Variants in PAN3 observed in about 807,000 individuals in gnomAD.
The protein encoded by PAN3 is PAN2-PAN3 deadenylation complex subunit PAN3.
A neutral mutation model predicts 96.2 loss-of-function variants in PAN3; 19 were observed. That is an observed-to-expected ratio of 0.20 (90% CI 0.14 to 0.29). The LOEUF is 0.29. Among genes scored for constraint, PAN3 ranks in the 10% least tolerant of loss-of-function variants. The pLI, the probability that PAN3 is intolerant of heterozygous loss-of-function variation, is 1.00. For synonymous variants in PAN3, 433 were observed against 406.6 expected, an observed-to-expected ratio of 1.06 and a Z score of -0.78; for missense variants, 882 against 1,108.1, an observed-to-expected ratio of 0.80 and a Z score of 2.90.
intron 5 of PAN3, among the ~76,000 whole-genome samples, chr13:28,205,942 C>CCTCCT (rs976941042): frequency 6.7e-6 from 1 of 149,024 alleles, no homozygotes; most frequent in African/African-American, 2.5e-5. Flanking sequence ...TCTTATTTTT[C>CCTCCT]CTCCTGTCTC....
At chr13:28,250,558 G>C (rs1221590623) in intron 6 of PAN3, among the ~76,000 whole-genome samples, 1 of 152,098 alleles carries the variant, frequency 6.6e-6, no homozygotes, top group East Asian at 1.9e-4. Context: ...GTAGACACGG[G>C]GTTTCAGCAT....
intron 6 of PAN3, among the ~76,000 whole-genome samples, chr13:28,224,160 C>T (rs77761752): frequency 1.3e-5 from 2 of 152,098 alleles, no homozygotes; most frequent in African/African-American, 4.8e-5. Flanking sequence ...CGTGAGCAAC[C>T]GCGCCCGGCC....
At chr13:28,153,585 A>C (rs952287945) in intron 1 of PAN3, among the ~76,000 whole-genome samples, 28 of 152,136 alleles carry the variant, frequency 1.8e-4, no homozygotes, top group African/African-American at 6.3e-4. Flanking sequence ...TAGAGACAGC[A>C]CTGAGTTGTT....
At chr13:28,168,967 G>A (rs1199236784) in intron 1 of PAN3, among the ~76,000 whole-genome samples, 4 of 151,360 alleles carry the variant, frequency 2.6e-5, no homozygotes, top group East Asian at 3.9e-4. Context: ...GCAGTGAGCC[G>A]AGATCACGCC....
chr13:28,159,745 G>T (rs1315817089), intron 1 of PAN3, among the ~76,000 whole-genome samples: 1 of 152,040 alleles, frequency 6.6e-6, no homozygotes, highest in Admixed American at 6.6e-5. Flanking sequence ...ACCACACCTG[G>T]CCAATACTGG....
intron 6 of PAN3, among the ~76,000 whole-genome samples, chr13:28,246,642 T>A (rs987685462): frequency 1.3e-5 from 2 of 152,172 alleles, no homozygotes; most frequent in Non-Finnish European, 2.9e-5. Context: ...AGATCTACTT[T>A]CTAAGCTTCT....
intron 12 of PAN3, 103 bp downstream of exon 12, chr13:28,267,504 T>C (rs983860280): frequency 6.1e-6 from 6 of 983,164 alleles, no homozygotes; most frequent in African/African-American, 5.0e-5. Flanking sequence ...CTGTAATCAT[T>C]TAGTTTAAAG....
At chr13:28,253,487 A>G (rs1884899989) in intron 6 of PAN3, among the ~76,000 whole-genome samples, 1 of 152,070 alleles carries the variant, frequency 6.6e-6, no homozygotes, top group African/African-American at 2.4e-5. Flanking sequence ...TATTTCAGTA[A>G]TTTAGTTTTT....
intron 4 of PAN3, among the ~76,000 whole-genome samples, chr13:28,184,863 T>C (rs933674193): frequency 6.6e-6 from 1 of 152,174 alleles, no homozygotes; most frequent in Non-Finnish European, 1.5e-5. Flanking sequence ...CTTTGTACAT[T>C]AGAGATGTAA....
Position 28,288,008 on chromosome 13 carries a change from A to G in PAN3, c.2409A>G (p.Ser803=). ...RPEFQKDPTW[S]ETGDRYLLKL... ...GGTTTCAGAAGGATCCCACTTGGTCAGAGACTGGAGACCGTTATCTGTTGA... is the reference window on the plus strand; with the variant it reads ...GGTTTCAGAAGGATCCCACTTGGTCGGAGACTGGAGACCGTTATCTGTTGA... Residue 803 remains serine (S), a synonymous_variant, in exon 18 of 19, where the codon TCA becomes TCG. Coordinates refer to ENST00000380958, the MANE Select transcript of PAN3 (RefSeq NM_175854.8). 6.2e-7 allele frequency: 1 copy of G among 1,611,798 alleles called. No individual in the cohort carries two copies. Among genetic ancestry groups the G allele is most frequent in the Non-Finnish European group, 8.5e-7 (1 of 1,179,298 alleles).
chr13:28,220,552 G>A (rs933104804), intron 6 of PAN3, among the ~76,000 whole-genome samples, 174 bp downstream of exon 6: 1 of 151,944 alleles, frequency 6.6e-6, no homozygotes, highest in Non-Finnish European at 1.5e-5. Flanking sequence ...GAATTTTAAA[G>A]CAAAATTTAA....
intron 4 of PAN3, among the ~76,000 whole-genome samples, chr13:28,184,887 CAT>C (rs767402196): frequency 6.6e-6 from 1 of 152,098 alleles, no homozygotes; most frequent in Non-Finnish European, 1.5e-5. Flanking sequence ...TCTTCTGTCA[CAT>C]GTTACAGTTT....
At chr13:28,210,930 G>T (rs539086663) in intron 5 of PAN3, among the ~76,000 whole-genome samples, 1 of 151,868 alleles carries the variant, frequency 6.6e-6, no homozygotes. Flanking sequence ...TTTGAGACAG[G>T]GTCTTGCTCT....
chr13:28,244,579 C>T lies in PAN3; in HGVS notation c.1001-11713C>T, dbSNP rs145620668. On this transcript the variant is annotated intron_variant, in intron 6 of 18. Transcript: ENST00000380958. ...GACTTTATATATACATATTTGAGAT[C>T]GGTTTTGGTGTCCTATTCTTTTGCA... Among the ~76,000 whole-genome samples the T allele has an allele frequency of 8.9e-4, 135 of 152,106 alleles. 3 individuals are homozygous for T. The East Asian group carries it at 0.02, about 22-fold the overall frequency.
intron 4 of PAN3, among the ~76,000 whole-genome samples, chr13:28,187,372 T>G (rs369325760): frequency 8.5e-5 from 13 of 152,278 alleles, no homozygotes; most frequent in African/African-American, 3.1e-4. Context: ...TTATTAACTT[T>G]GGCATGCTAT....
At chr13:28,185,583 C>T (rs887179777) in intron 4 of PAN3, among the ~76,000 whole-genome samples, 1 of 151,916 alleles carries the variant, frequency 6.6e-6, no homozygotes, top group African/African-American at 2.4e-5. Context: ...TTAAAAAGAG[C>T]TCTCATGAGT....
At chr13:28,148,623 C>T (rs1368833930) in intron 1 of PAN3, among the ~76,000 whole-genome samples, 3 of 152,206 alleles carry the variant, frequency 2.0e-5, no homozygotes, top group Non-Finnish European at 4.4e-5. Flanking sequence ...CTCCCAGAGA[C>T]ACTCTTTCTA....
intron 6 of PAN3, among the ~76,000 whole-genome samples, chr13:28,254,705 ATTT>A (rs138362809): frequency 1.3e-5 from 2 of 151,778 alleles, no homozygotes; most frequent in Non-Finnish European, 2.9e-5. Flanking sequence ...TTGGCTTCAT[ATTT>A]TTTTTAAGGA....
chr13:28,214,339 G>A lies in PAN3; in HGVS notation c.853-5892G>A, dbSNP rs527439989. 8.2e-4 allele frequency among the ~76,000 whole-genome samples: 125 copies of A among 152,242 alleles called. 4 individuals are homozygous for A. In the South Asian group the frequency reaches 0.025, roughly 31 times the overall value. ...AATCTAAATATCTAATGGATGAAAG[G>A]ATAAACAAATTATAGTATATTGATA... On this transcript the variant is annotated intron_variant, in intron 5 of 18. Transcript: ENST00000380958.
Sources: allele counts gnomAD v4.1 joint callset (sites outside exome capture counted in the v4.1 genomes callset), GRCh38; gene constraint gnomAD v4.1.1; transcripts MANE v1.5; gene names NCBI Gene and HGNC (gene_info 2026-07-23, HGNC 2026-07-21).